ANXA11: variants seen among roughly 807,000 people sequenced by gnomAD.
The protein encoded by ANXA11 is annexin A11, also known as 56 kDa autoantigen.
A neutral mutation model predicts 64.7 loss-of-function variants in ANXA11; 57 were observed. The observed-to-expected ratio is 0.88, with a 90% confidence interval of 0.71 to 1.10. The LOEUF (loss-of-function observed/expected upper bound fraction) is 1.10, where lower values mean the gene tolerates loss of function less well. Ranked by LOEUF, ANXA11 falls within the 50% of genes least tolerant of loss-of-function variation. The pLI is 0.00. For synonymous variants in ANXA11, 260 were observed against 265.2 expected (o/e 0.98, Z 0.19); for missense variants, 675 against 670.7 (o/e 1.01, Z -0.07).
In ANXA11 at chr10:80,159,095, C is replaced by T; in HGVS notation, c.1276+5G>A. 1 of 1,613,374 alleles carries T rather than the reference C, an allele frequency of 6.2e-7. No individual in the cohort carries two copies. Among genetic ancestry groups the T allele is most frequent in the Middle Eastern group, 1.7e-4 (1 of 5,930 alleles). ...GCAGGTGGGCGGCAAACCTGAGACA[C>T]TTACCCACGGCCAGCATGCCCTCCT... On this transcript the variant is annotated splice_donor_5th_base_variant and intron_variant, in intron 13 of 15. Coordinates refer to ENST00000422982, the MANE Select transcript of ANXA11 (RefSeq NM_145868.2).
intron 2 of ANXA11, among the ~76,000 whole-genome samples, chr10:80,174,863 CT>C (rs1846112713): frequency 6.6e-6 from 1 of 152,206 alleles, no homozygotes; most frequent in African/African-American, 2.4e-5. Context: ...AGCCTACATG[CT>C]GTTTTTAAGG....
Position 80,155,662 on chromosome 10 carries a change from T to TGA in ANXA11, c.*189_*190dup. 1.7e-6 allele frequency: 1 copy of TGA among 590,508 alleles called. No homozygotes were observed. The highest frequency in any genetic ancestry group is 3.0e-6 in the Non-Finnish European group (1 of 333,840). The allele number at this position is 590,508 out of a possible 1,614,324, so 36.6% of individuals were successfully genotyped here. A position where few individuals can be genotyped will look rare whatever the true frequency, so the allele number is the denominator to read the frequency against. On this transcript the variant is annotated 3_prime_UTR_variant, in exon 16 of 16. Coordinates refer to ENST00000422982, the MANE Select transcript of ANXA11 (RefSeq NM_145868.2). ...GAGGGATGGGGTAGAAAAGGCATCC[T>TGA]GAGAGAGTTCTAGACCGACCCAGGT...
chr10:80,169,520 G>C (rs1845892356), intron 4 of ANXA11, among the ~76,000 whole-genome samples, 162 bp from the exon 5 acceptor site: 2 of 152,168 alleles, frequency 1.3e-5, no homozygotes, highest in South Asian at 4.1e-4. Context: ...GAGTTTACTT[G>C]CTCAAAGTTA....
At chr10:80,172,100 G>T (rs376091667) in intron 3 of ANXA11, among the ~76,000 whole-genome samples, 33 of 152,288 alleles carry the variant, frequency 2.2e-4, no homozygotes, top group African/African-American at 7.7e-4. Flanking sequence ...AGCGGCTCAG[G>T]CACCCTCAGG....
chr10:80,170,960 C>A, intron 3 of ANXA11, 45 bp from the exon 4 acceptor site: 1 of 1,555,694 alleles, frequency 6.4e-7, no homozygotes, highest in Non-Finnish European at 8.7e-7. Flanking sequence ...AGTCCCCCAC[C>A]ACACGGGGAA....
At chr10:80,198,612 T>C (rs930227650) in intron 1 of ANXA11, among the ~76,000 whole-genome samples, 13 of 152,346 alleles carry the variant, frequency 8.5e-5, no homozygotes, top group African/African-American at 2.6e-4. Flanking sequence ...ATTGTTCTTA[T>C]ACATGCTCAA....
Position 80,154,229 on chromosome 10 carries a change from G to C in ANXA11, c.*1624C>G, listed in dbSNP as rs1845209600. ...TGATTCTCCTGCCTCAGCATCCTGT[G>C]TAGCTGGGATTACAGGAATGTGCCA... On this transcript the variant is annotated 3_prime_UTR_variant, in exon 16 of 16. Coordinates refer to ENST00000422982, the MANE Select transcript of ANXA11 (RefSeq NM_145868.2). The C allele has an allele frequency of 6.6e-6, 1 of 152,048 alleles. No individual in the cohort carries two copies. The highest frequency in any genetic ancestry group is 2.4e-5 in the African/African-American group (1 of 41,352). 9.4% of individuals were successfully genotyped at this position (152,048 alleles called of 1,614,324 possible).
chr10:80,183,875 G>A (rs1341888265), intron 1 of ANXA11, among the ~76,000 whole-genome samples: 1 of 152,224 alleles, frequency 6.6e-6, no homozygotes, highest in Non-Finnish European at 1.5e-5. Context: ...GGCAGATAGA[G>A]CCCAAGCTCT....
chr10:80,203,732 G>A (rs541904518), intron 1 of ANXA11, among the ~76,000 whole-genome samples: 5 of 152,314 alleles, frequency 3.3e-5, no homozygotes, highest in South Asian at 2.1e-4. Flanking sequence ...AGCATATCCC[G>A]TCCCTCCTGC....
chr10:80,200,990 C>T (rs1042733072), intron 1 of ANXA11, among the ~76,000 whole-genome samples: 2 of 152,200 alleles, frequency 1.3e-5, no homozygotes, highest in Non-Finnish European at 2.9e-5. Flanking sequence ...CACATGTTCC[C>T]TTCTGGGATT....
At chr10:80,190,819 G>A (rs917557694) in intron 1 of ANXA11, among the ~76,000 whole-genome samples, 3 of 145,590 alleles carry the variant, frequency 2.1e-5, no homozygotes, top group Non-Finnish European at 4.5e-5. Context: ...GGCCAGGCAC[G>A]GTGGCTCACG....
In ANXA11 at chr10:80,174,002, T is replaced by C. The variant is rs146527680; in HGVS notation, c.-8-1133A>G. 6.5e-3 allele frequency among the ~76,000 whole-genome samples: 989 copies of C among 152,354 alleles called. 6 individuals are homozygous for C. The highest frequency in any genetic ancestry group is 0.011 in the Non-Finnish European group (766 of 68,028). On this transcript the variant is annotated intron_variant, in intron 2 of 15. Transcript: ENST00000422982. ...GAAGACCACTGTTCTAGCCACGCTA[T>C]CCAACTATAAGAGTCTAGCTGCCCT... is the stretch of plus-strand genomic sequence containing the variant.
In ANXA11 at chr10:80,199,480, G is replaced by C. The variant is rs574192636; in HGVS notation, c.-58+5863C>G. ...TACCAAATAAATGCAAAGAAAAACA[G>C]AGGTGGAAATATTAATAGTAAAAAT... On this transcript the variant is annotated intron_variant, in intron 1 of 15. Coordinates refer to ENST00000422982, the MANE Select transcript of ANXA11 (RefSeq NM_145868.2). Among the ~76,000 whole-genome samples, 17 of 152,166 alleles carry C rather than the reference G, an allele frequency of 1.1e-4. No individual in the cohort carries two copies. The South Asian group carries it at 3.5e-3, about 32-fold the overall frequency.
At chr10:80,171,104 G>C in intron 3 of ANXA11, 189 bp from the exon 4 acceptor site, 1 of 1,506,924 alleles carries the variant, frequency 6.6e-7, no homozygotes, top group Non-Finnish European at 8.8e-7. Flanking sequence ...GCAGAGGAGG[G>C]GAAACCTTCC....
At chr10:80,169,481 C>T (rs746923259) in intron 4 of ANXA11, 123 bp from the exon 5 acceptor site, 28 of 1,143,984 alleles carry the variant, frequency 2.4e-5, no homozygotes, top group Non-Finnish European at 2.9e-5. Flanking sequence ...TATGAAGTAC[C>T]GTTATACCCA....
In ANXA11 at chr10:80,153,503, A is replaced by G. The variant is rs1368637696; in HGVS notation, c.*2350T>C. The G allele has an allele frequency of 1.3e-5, 2 of 152,222 alleles. No individual in the cohort carries two copies. Among genetic ancestry groups the G allele is most frequent in the Non-Finnish European group, 2.9e-5 (2 of 68,044 alleles). 9.4% of individuals were successfully genotyped at this position (152,222 alleles called of 1,614,324 possible). ...ACAGGGCAAGGTAATGTCACAGAAT[A>G]TGGTCACATCAGAGCACATTGGTTC... is the stretch of plus-strand genomic sequence containing the variant. On this transcript the variant is annotated 3_prime_UTR_variant, in exon 16 of 16. Coordinates refer to ENST00000422982, the MANE Select transcript of ANXA11 (RefSeq NM_145868.2).
chr10:80,166,836 T>C, intron 7 of ANXA11, 54 bp downstream of exon 7: 3 of 1,352,424 alleles, frequency 2.2e-6, no homozygotes, highest in Middle Eastern at 2.2e-4. Flanking sequence ...AGAGCAGGGC[T>C]GTGCTGAGCC....
intron 1 of ANXA11, among the ~76,000 whole-genome samples, chr10:80,177,269 C>T (rs1846205453): frequency 6.6e-6 from 1 of 152,138 alleles, no homozygotes; most frequent in African/African-American, 2.4e-5. Context: ...GATTACATGC[C>T]TGGCCTGACC....
At chr10:80,187,539 G>A (rs1055542800) in intron 1 of ANXA11, among the ~76,000 whole-genome samples, 12 of 146,906 alleles carry the variant, frequency 8.2e-5, no homozygotes, top group East Asian at 1.9e-4. Context: ...GCGCATGTGC[G>A]CGCGTGCACA....
Sources: gnomAD v4.1 joint callset for allele counts (sites outside exome capture counted in the v4.1 genomes callset) on GRCh38, gnomAD v4.1.1 for gene constraint, MANE v1.5 for transcripts, NCBI Gene and HGNC (gene_info 2026-07-23, HGNC 2026-07-21) for gene names.